LUC7L2: variants seen among roughly 807,000 people sequenced by gnomAD.
The protein encoded by LUC7L2 is putative RNA-binding protein Luc7-like 2.
LUC7L2 carries 25 observed loss-of-function variants against 52.8 expected under a neutral mutation model. That is an observed-to-expected ratio of 0.47 (90% CI 0.34 to 0.66). LUC7L2 has a LOEUF of 0.66. Ranked by LOEUF, LUC7L2 falls within the 30% of genes least tolerant of loss-of-function variation. The pLI, the probability that LUC7L2 is intolerant of heterozygous loss-of-function variation, is 0.01. For missense variants in LUC7L2, 328 were observed against 497.8 expected (o/e 0.66, Z 3.25); for synonymous variants, 144 against 160.9 (o/e 0.89, Z 0.80).
Position 139,386,432 on chromosome 7 carries a change from TCTCA to T in LUC7L2, c.156+10280_156+10283del, listed in dbSNP as rs539343346. 2.5e-3 allele frequency among the ~76,000 whole-genome samples: 337 copies of T among 137,352 alleles called. 6 individuals are homozygous for T. The East Asian group carries it at 0.052, about 21-fold the overall frequency. 90.1% of individuals were successfully genotyped at this position (137,352 alleles called of 152,430 possible). On this transcript the variant is annotated intron_variant, in intron 2 of 9. Transcript: ENST00000354926. ...TTTTTTTTTTTTTTTTGAGATGGAG[TCTCA>T]CTCTGTCGTCCAGGCTGGAGTGCAG...
intron 6 of LUC7L2, 95 bp from the exon 7 acceptor site, chr7:139,409,468 G>A (rs1585127738): frequency 7.1e-7 from 1 of 1,399,480 alleles, no homozygotes; most frequent in Non-Finnish European, 9.4e-7. Context: ...GACAGCAGTT[G>A]TACTGTATTA....
chr7:139,400,823 A>C (rs1405522894), intron 3 of LUC7L2, among the ~76,000 whole-genome samples: 1 of 152,218 alleles, frequency 6.6e-6, no homozygotes, highest in Non-Finnish European at 1.5e-5. Flanking sequence ...GTGATTTAAA[A>C]ATTTTCAAAT....
chr7:139,415,835 C>T (rs560127620), intron 8 of LUC7L2, among the ~76,000 whole-genome samples: 1 of 151,548 alleles, frequency 6.6e-6, no homozygotes, highest in African/African-American at 2.4e-5. Flanking sequence ...GCTAAAGCTA[C>T]GTCCATGTCA....
At chr7:139,417,875 A>C in intron 9 of LUC7L2, 146 bp downstream of exon 9, 1 of 1,186,512 alleles carries the variant, frequency 8.4e-7, no homozygotes. Flanking sequence ...GTGTGGGTGT[A>C]CAACATTTTT....
intron 2 of LUC7L2, among the ~76,000 whole-genome samples, chr7:139,380,759 C>G (rs558468293): frequency 3.4e-4 from 52 of 152,068 alleles, no homozygotes; most frequent in Middle Eastern, 3.2e-3. Context: ...ACAAAAAAAC[C>G]TAAACCAAGC....
intron 2 of LUC7L2, among the ~76,000 whole-genome samples, chr7:139,388,317 AAG>A (rs1794295153): frequency 6.6e-6 from 1 of 152,176 alleles, no homozygotes; most frequent in Non-Finnish European, 1.5e-5. Context: ...AAATTACAAA[AAG>A]GTAGAAAAAT....
rs10244770 is a variant in LUC7L2, at chr7:139,410,134, G to T, written c.779+480G>T. On this transcript the variant is annotated intron_variant, in intron 7 of 9. Coordinates refer to ENST00000354926, the MANE Select transcript of LUC7L2 (RefSeq NM_016019.5). ...AGGCAGGAGAATGGCGTGAACCTGG[G>T]GGGGCAGAGCCTGCAGTGAGCTGAG... 5.1e-3 allele frequency among the ~76,000 whole-genome samples: 778 copies of T among 152,188 alleles called. 8 individuals carry two copies. Among genetic ancestry groups the T allele is most frequent in the African/African-American group, 0.017 (720 of 41,524 alleles).
chr7:139,382,515 G>GA (rs1158021479), intron 2 of LUC7L2, among the ~76,000 whole-genome samples: 1 of 151,980 alleles, frequency 6.6e-6, no homozygotes, highest in Non-Finnish European at 1.5e-5. Context: ...CAAGTAGCTA[G>GA]AACAACAGCC....
chr7:139,370,277 G>A (rs1369733691), intron 1 of LUC7L2, among the ~76,000 whole-genome samples: 2 of 152,208 alleles, frequency 1.3e-5, no homozygotes, highest in Admixed American at 1.3e-4. Flanking sequence ...AAAAGGATTT[G>A]TATAGGTGGA....
At chr7:139,369,855 A>G (rs895226573) in intron 1 of LUC7L2, among the ~76,000 whole-genome samples, 2 of 152,150 alleles carry the variant, frequency 1.3e-5, no homozygotes, top group Non-Finnish European at 2.9e-5. Flanking sequence ...AACTTATGGG[A>G]CCATATGAAC....
rs1004405300 is a variant in LUC7L2 at position 139,347,490 on chromosome 7, G to A, written c.-26+6973G>A. ...TAATCCCAGCTACTCAGGAGGCTGA[G>A]GCAGGAGAATCGCTTGAACCCAGGA... is the stretch of plus-strand genomic sequence containing the variant. On this transcript the variant is annotated intron_variant, in intron 1 of 10. Transcript: ENST00000541170. Among the ~76,000 whole-genome samples, 13 of 152,032 alleles carry A rather than the reference G, an allele frequency of 8.6e-5. No homozygotes were observed. The East Asian group carries it at 9.7e-4, about 11-fold the overall frequency.
chr7:139,396,588 T>C (rs932726644), intron 2 of LUC7L2, among the ~76,000 whole-genome samples: 1 of 152,232 alleles, frequency 6.6e-6, no homozygotes, highest in Non-Finnish European at 1.5e-5. Context: ...CTTCTCTATT[T>C]ATTTCTGTTC....
intron 2 of LUC7L2, among the ~76,000 whole-genome samples, chr7:139,379,417 C>T (rs774571711): frequency 2.6e-5 from 4 of 151,150 alleles, no homozygotes; most frequent in African/African-American, 7.3e-5. Context: ...ATATCAAGCA[C>T]TTAGAGATGG....
chr7:139,384,402 A>G (rs569778284), intron 2 of LUC7L2, among the ~76,000 whole-genome samples: 7 of 152,272 alleles, frequency 4.6e-5, no homozygotes, highest in Non-Finnish European at 8.8e-5. Context: ...AGTAGCTGGC[A>G]TTACAGGCTT....
intron 1 of LUC7L2, chr7:139,363,056 G>C (rs1019039274): frequency 5.6e-6 from 1 of 177,212 alleles, no homozygotes; most frequent in Non-Finnish European, 1.1e-5. Flanking sequence ...TAGACAATCT[G>C]AGGGCAGCAT....
rs185403897 is a variant in LUC7L2, at chr7:139,399,603, G to A, written c.255+906G>A. Among the ~76,000 whole-genome samples, 58 of 151,572 alleles carry A rather than the reference G, an allele frequency of 3.8e-4. No individual in the cohort carries two copies. The East Asian group carries it at 0.011, about 27-fold the overall frequency. ...TGCTGTCTCAGCCTACCGAGTAGCCGGGACTACAGGCGCCTGCCACCACAC... is the reference window on the plus strand; with the variant it reads ...TGCTGTCTCAGCCTACCGAGTAGCCAGGACTACAGGCGCCTGCCACCACAC... On this transcript the variant is annotated intron_variant, in intron 3 of 9. Coordinates refer to ENST00000354926, the MANE Select transcript of LUC7L2 (RefSeq NM_016019.5).
Position 139,371,573 on chromosome 7 carries a change from G to A in LUC7L2, c.62-4489G>A, listed in dbSNP as rs1800452413. ...GTGGGTAGTACTGGGGGGAGGGGGC[G>A]GATATTGGGAAGATAGCATGCAAAG... On this transcript the variant is annotated intron_variant, in intron 1 of 9. Coordinates refer to ENST00000354926, the MANE Select transcript of LUC7L2 (RefSeq NM_016019.5). The A allele has an allele frequency of 8.4e-6, 11 of 1,304,834 alleles. No homozygotes were observed. The South Asian group carries it at 9.3e-5, about 11-fold the overall frequency. 80.8% of individuals were successfully genotyped at this position (1,304,834 alleles called of 1,614,324 possible). A position where few individuals can be genotyped will look rare whatever the true frequency, so the allele number is the denominator to read the frequency against.
At chr7:139,397,744 A>G (rs1008825649) in intron 2 of LUC7L2, among the ~76,000 whole-genome samples, 1 of 152,164 alleles carries the variant, frequency 6.6e-6, no homozygotes, top group African/African-American at 2.4e-5. Flanking sequence ...ATAAAAATGG[A>G]TAGATTTTTA....
At chr7:139,420,964 AATTTTTTGT>A in intron 9 of LUC7L2, among the ~76,000 whole-genome samples, 1 of 152,024 alleles carries the variant, frequency 6.6e-6, no homozygotes, top group East Asian at 1.9e-4. Flanking sequence ...ACTCTCAGCT[AATTTTTTGT>A]ATTTTAAGTA....
Sources: allele counts gnomAD v4.1 joint callset (sites outside exome capture counted in the v4.1 genomes callset), GRCh38; gene constraint gnomAD v4.1.1; transcripts MANE v1.5; gene names NCBI Gene and HGNC (gene_info 2026-07-23, HGNC 2026-07-21).